Variants in BCL2L13 observed in about 807,000 individuals in gnomAD.
The protein encoded by BCL2L13 is BCL2 like 13.
BCL2L13 carries 13 observed loss-of-function variants against 25.8 expected under a neutral mutation model. That is an observed-to-expected ratio of 0.50 (90% CI 0.33 to 0.80). BCL2L13 has a LOEUF of 0.80. Ranked by LOEUF, BCL2L13 falls within the 30% of genes least tolerant of loss-of-function variation. BCL2L13 has a pLI of 0.02. For synonymous variants in BCL2L13, 244 were observed against 230.3 expected (o/e 1.06, Z -0.54); for missense variants, 504 against 574.9 (o/e 0.88, Z 1.26).
At chr22:17,639,596 T>G (rs1447994540) in intron 1 of BCL2L13, among the ~76,000 whole-genome samples, 1 of 152,216 alleles carries the variant, frequency 6.6e-6, no homozygotes, top group Non-Finnish European at 1.5e-5. Context: ...TGGCTTTGGT[T>G]AGCTCTTAGC....
chr22:17,698,917 T>G (rs2060351374), intron 5 of BCL2L13, among the ~76,000 whole-genome samples: 1 of 152,252 alleles, frequency 6.6e-6, no homozygotes, highest in African/African-American at 2.4e-5. Flanking sequence ...TCTTTTAATA[T>G]GTAGACTTAT....
chr22:17,675,538 T>A (rs1364202174), intron 2 of BCL2L13, among the ~76,000 whole-genome samples: 1 of 152,216 alleles, frequency 6.6e-6, no homozygotes, highest in Non-Finnish European at 1.5e-5. Context: ...CATTGAAGTA[T>A]GTTTGAAGGA....
chr22:17,719,846 A>AAAAAAAAAAC (rs1555897108), intron 6 of BCL2L13, among the ~76,000 whole-genome samples: 6 of 129,154 alleles, frequency 4.6e-5, no homozygotes, highest in African/African-American at 8.2e-5. Context: ...AAAAAAAAAA[A>AAAAAAAAAAC]AAAAGAATGA....
At chr22:17,676,544 C>T (rs531647533) in intron 2 of BCL2L13, among the ~76,000 whole-genome samples, 4 of 152,104 alleles carry the variant, frequency 2.6e-5, no homozygotes, top group Non-Finnish European at 5.9e-5. Flanking sequence ...GGCCTGACTC[C>T]AAAGCTTATC....
intron 2 of BCL2L13, among the ~76,000 whole-genome samples, chr22:17,672,625 A>AG (rs2059449509): frequency 6.6e-6 from 1 of 152,236 alleles, no homozygotes; most frequent in Admixed American, 6.5e-5. Flanking sequence ...TCTCTGTGTC[A>AG]CTGGTCAGCT....
intron 1 of BCL2L13, among the ~76,000 whole-genome samples, chr22:17,653,243 TC>T (rs2058746173): frequency 6.6e-6 from 1 of 152,156 alleles, no homozygotes; most frequent in African/African-American, 2.4e-5. Flanking sequence ...AACCGACTCT[TC>T]CTATATTATC....
intron 1 of BCL2L13, among the ~76,000 whole-genome samples, chr22:17,641,892 C>T (rs909801785): frequency 1.2e-4 from 18 of 150,772 alleles, no homozygotes; most frequent in South Asian, 2.1e-4. Context: ...CTCCGCCTCC[C>T]GGGTTGACGC....
chr22:17,691,195 A>T (rs1478126886), intron 4 of BCL2L13, among the ~76,000 whole-genome samples: 1 of 151,990 alleles, frequency 6.6e-6, no homozygotes, highest in Non-Finnish European at 1.5e-5. Flanking sequence ...ACTTTTCTTA[A>T]CCAGAGCACG....
intron 5 of BCL2L13, among the ~76,000 whole-genome samples, chr22:17,697,729 A>G (rs1479673769): frequency 2.6e-5 from 4 of 152,162 alleles, no homozygotes; most frequent in Non-Finnish European, 5.9e-5. Context: ...TATGTTACCT[A>G]TCGGTACATA....
At chr22:17,708,894 CTCTTTT>C (rs1230682440) in intron 6 of BCL2L13, among the ~76,000 whole-genome samples, 2 of 152,142 alleles carry the variant, frequency 1.3e-5, no homozygotes, top group African/African-American at 4.8e-5. Context: ...TCCAAAACAG[CTCTTTT>C]TCTTTTAGTG....
intron 6 of BCL2L13, chr22:17,703,131 G>C (rs2060487016): frequency 6.6e-6 from 1 of 151,296 alleles, no homozygotes; most frequent in South Asian, 2.1e-4. Flanking sequence ...TTCCAGCCTG[G>C]GCAACAGAGC....
intron 1 of BCL2L13, among the ~76,000 whole-genome samples, chr22:17,640,702 A>T (rs76837267): frequency 0.087 from 7,042 of 80,778 alleles, 208 homozygotes; most frequent in African/African-American, 0.13. Flanking sequence ...ACAAAAAATT[A>T]AAAAAAAAAA....
At chr22:17,721,106 C>G (rs1440090410) in intron 6 of BCL2L13, among the ~76,000 whole-genome samples, 1 of 151,822 alleles carries the variant, frequency 6.6e-6, no homozygotes. Context: ...GGAGGTGGAG[C>G]TTACAGTGAG....
intron 1 of BCL2L13, among the ~76,000 whole-genome samples, chr22:17,654,626 C>G (rs896941936): frequency 9.3e-5 from 14 of 151,298 alleles, no homozygotes; most frequent in Non-Finnish European, 1.6e-4. Flanking sequence ...GGGTTTCACT[C>G]TGTTAGCCAG....
intron 2 of BCL2L13, among the ~76,000 whole-genome samples, chr22:17,659,813 G>A (rs531190719): frequency 4.2e-4 from 62 of 146,130 alleles, no homozygotes; most frequent in African/African-American, 1.4e-3. Flanking sequence ...AAATCCCTTA[G>A]ATATCTTCAT....
intron 2 of BCL2L13, among the ~76,000 whole-genome samples, chr22:17,682,271 C>A (rs187698688): frequency 6.6e-6 from 1 of 152,112 alleles, no homozygotes; most frequent in Non-Finnish European, 1.5e-5. Context: ...ACAAAGAAAT[C>A]GTTATGCCCA....
At chr22:17,678,901 T>G (rs2059651947) in intron 2 of BCL2L13, among the ~76,000 whole-genome samples, 1 of 152,214 alleles carries the variant, frequency 6.6e-6, no homozygotes, top group South Asian at 2.1e-4. Flanking sequence ...TTAGCTTGTT[T>G]GGTTTTTCTG....
chr22:17,653,517 T>TTTTTA (rs2058754156), intron 1 of BCL2L13, among the ~76,000 whole-genome samples: 1 of 129,458 alleles, frequency 7.7e-6, no homozygotes, highest in Non-Finnish European at 1.7e-5. Context: ...TTTTTTTTTT[T>TTTTTA]GAGACAGGGT....
rs185899303 is a variant in BCL2L13, at chr22:17,644,169, C to A, written c.-51+5283C>A. Among the ~76,000 whole-genome samples, 36 of 151,304 alleles carry A rather than the reference C, an allele frequency of 2.4e-4. No homozygotes were observed. In the East Asian group the frequency reaches 6.4e-3, roughly 27 times the overall value. Reference sequence around the variant, plus strand: ...TAGGTGATCTGCCCATCTGGTCTCCCAAAGTGCTAGGATTACAGGCATGAG... The same window carrying A: ...TAGGTGATCTGCCCATCTGGTCTCCAAAAGTGCTAGGATTACAGGCATGAG... On this transcript the variant is annotated intron_variant, in intron 1 of 6. Coordinates refer to ENST00000317582, the MANE Select transcript of BCL2L13 (RefSeq NM_015367.4).
Sources: allele counts gnomAD v4.1 joint callset (sites outside exome capture counted in the v4.1 genomes callset), GRCh38; gene constraint gnomAD v4.1.1; transcripts MANE v1.5; gene names NCBI Gene and HGNC (gene_info 2026-07-23, HGNC 2026-07-21).